The following CPHXL variants were observed in gnomAD, a reference collection of about 807,000 sequenced individuals.
CPHXL encodes the protein cytoplasmic polyadenylated homeobox-like protein.
At chr16:75,716,102 G>A (rs1959387172) in intron 2 of CPHXL, among the ~76,000 whole-genome samples, 1 of 150,040 alleles carries the variant, frequency 6.7e-6, no homozygotes, top group South Asian at 2.2e-4. Context: ...TCTATTTGTT[G>A]TATGACTCTC....
Position 75,724,836 on chromosome 16 carries a change from A to T in CPHXL, c.25+1582T>A, listed in dbSNP as rs377496023. On this transcript the variant is annotated intron_variant, in intron 1 of 2. Transcript: ENST00000640559. ...AAGACACATGCACACGTATGTTTATAGCAGCACTATTCACAATAGCAAAGA... is the reference window on the plus strand; with the variant it reads ...AAGACACATGCACACGTATGTTTATTGCAGCACTATTCACAATAGCAAAGA... 5.5e-4 allele frequency among the ~76,000 whole-genome samples: 83 copies of T among 152,262 alleles called. No individual in the cohort carries two copies. The East Asian group carries it at 0.013, about 24-fold the overall frequency.
intron 2 of CPHXL, among the ~76,000 whole-genome samples, chr16:75,717,031 C>G (rs543619205): frequency 2.6e-4 from 39 of 152,338 alleles, no homozygotes; most frequent in African/African-American, 8.9e-4. Flanking sequence ...CAACTTTCAT[C>G]TTCCATAGAC....
chr16:75,719,918 G>C (rs899407865), intron 1 of CPHXL, among the ~76,000 whole-genome samples: 1 of 152,066 alleles, frequency 6.6e-6, no homozygotes, highest in Non-Finnish European at 1.5e-5. Context: ...CTAGAGGAAC[G>C]ATCAGGCAGC....
intron 1 of CPHXL, among the ~76,000 whole-genome samples, chr16:75,724,579 C>T (rs1959527124): frequency 6.6e-6 from 1 of 152,194 alleles, no homozygotes; most frequent in South Asian, 2.1e-4. Flanking sequence ...AATGAGATAC[C>T]ATCTCACACC....
intron 1 of CPHXL, among the ~76,000 whole-genome samples, chr16:75,723,023 A>T (rs1330787831): frequency 6.6e-6 from 1 of 152,244 alleles, no homozygotes; most frequent in East Asian, 1.9e-4. Flanking sequence ...CAATAGACGC[A>T]GAAAAGGCCT....
At chr16:75,715,400 G>C (rs1215664240) in intron 2 of CPHXL, among the ~76,000 whole-genome samples, 178 bp from the exon 3 acceptor site, 1 of 152,156 alleles carries the variant, frequency 6.6e-6, no homozygotes, top group Non-Finnish European at 1.5e-5. Context: ...AGGTACATGT[G>C]ATAACACAGG....
intron 1 of CPHXL, among the ~76,000 whole-genome samples, chr16:75,721,487 A>C (rs923192432): frequency 1.1e-4 from 17 of 152,240 alleles, no homozygotes; most frequent in African/African-American, 3.9e-4. Context: ...AAACCAACAA[A>C]GATCAAAAGA....
At chr16:75,725,080 A>T (rs1959535276) in intron 1 of CPHXL, among the ~76,000 whole-genome samples, 1 of 148,056 alleles carries the variant, frequency 6.8e-6, no homozygotes, top group African/African-American at 2.5e-5. Context: ...AACAGTGAGA[A>T]CACATGGACA....
chr16:75,726,308 C>T (rs1279813829), intron 1 of CPHXL, 110 bp downstream of exon 1: 1 of 397,908 alleles, frequency 2.5e-6, no homozygotes, highest in Admixed American at 4.4e-5. Context: ...TGAAAAACAG[C>T]TGCTGCTCCA....
At chr16:75,721,848 C>T (rs1193327141) in intron 1 of CPHXL, among the ~76,000 whole-genome samples, 1 of 152,054 alleles carries the variant, frequency 6.6e-6, no homozygotes. Flanking sequence ...ACCACATTAG[C>T]TGGAAGTAAA....
intron 1 of CPHXL, among the ~76,000 whole-genome samples, chr16:75,720,172 C>T (rs555925299): frequency 3.3e-5 from 5 of 152,170 alleles, no homozygotes; most frequent in Admixed American, 1.3e-4. Context: ...ACAGAAAAAC[C>T]GGAAACTCTA....
chr16:75,719,439 G>A (rs1959441927), intron 1 of CPHXL, among the ~76,000 whole-genome samples: 1 of 152,154 alleles, frequency 6.6e-6, no homozygotes, highest in Non-Finnish European at 1.5e-5. Context: ...TTAGCAAACG[G>A]CACACCAGGA....
chr16:75,716,967 C>G (rs80248037), intron 2 of CPHXL, among the ~76,000 whole-genome samples: 1 of 152,336 alleles, frequency 6.6e-6, no homozygotes, highest in East Asian at 1.9e-4. Flanking sequence ...AAAATGTAAA[C>G]TTTGATTTCT....
chr16:75,714,179 T>G lies in CPHXL; in HGVS notation c.*45A>C. 2.5e-6 allele frequency: 1 copy of G among 398,668 alleles called. No individual in the cohort carries two copies. The highest frequency in any genetic ancestry group is 4.4e-6 in the Non-Finnish European group (1 of 226,224). 24.7% of individuals were successfully genotyped at this position (398,668 alleles called of 1,614,324 possible). On this transcript the variant is annotated 3_prime_UTR_variant, in exon 3 of 3. Coordinates refer to ENST00000640559, the MANE Select transcript of CPHXL (RefSeq NM_001355613.1). ...TGACACTTAGCACTACTTTGCAGAG[T>G]TGCATCCTTGGTTCCCTGCTGCAGA... is the stretch of plus-strand genomic sequence containing the variant.
In CPHXL at chr16:75,714,790, G is replaced by T; in HGVS notation, c.652C>A (p.Pro218Thr). The T allele has an allele frequency of 2.5e-6, 1 of 398,638 alleles. No homozygotes were observed. The highest frequency in any genetic ancestry group is 4.4e-6 in the Non-Finnish European group (1 of 226,086). The allele number at this position is 398,638 out of a possible 1,614,324, so 24.7% of individuals were successfully genotyped here. A position where few individuals can be genotyped will look rare whatever the true frequency, so the allele number is the denominator to read the frequency against. The change falls in exon 3 of 3, where the codon CCA (proline) becomes ACA (threonine). Residue 218 changes from proline to threonine, a missense_variant. Coordinates refer to ENST00000640559, the MANE Select transcript of CPHXL (RefSeq NM_001355613.1). ...SYLVTGTEKH[P>T]GCAMGYGGDT... The stretch of plus-strand genomic sequence containing the variant: ...CCTCCATACCCCATAGCACAGCCTG[G>T]ATGCTTTTCAGTGCCTGTGACCAGA...
chr16:75,714,434 C>T lies in CPHXL; in HGVS notation c.1008G>A (p.Met336Ile). The change falls in exon 3 of 3, where the codon ATG (methionine) becomes ATA (isoleucine). Residue 336 changes from methionine (M) to isoleucine (I), a missense_variant. Physicochemically the swap from Met to Ile is conservative, Grantham distance 10. Transcript: ENST00000640559. Reference sequence around the variant, plus strand: ...TCCCTAGATCCCAAGGACCCGAGTCCATTGGGAGCTGTTCCTGCAACATCA... The same window carrying T: ...TCCCTAGATCCCAAGGACCCGAGTCTATTGGGAGCTGTTCCTGCAACATCA... ...EGMMLQEQLP[M>I]DSGPWDLGKQ... is the part of the protein sequence containing the mutation. 2.5e-6 allele frequency: 1 copy of T among 398,588 alleles called. No individual in the cohort carries two copies. The highest frequency in any genetic ancestry group is 4.4e-5 in the Admixed American group (1 of 22,738). 24.7% of individuals were successfully genotyped at this position (398,588 alleles called of 1,614,324 possible).
intron 2 of CPHXL, among the ~76,000 whole-genome samples, chr16:75,716,625 T>A (rs76303948): frequency 0.014 from 2,189 of 152,190 alleles, 55 homozygotes; most frequent in African/African-American, 0.051. Context: ...TCAAACTCAG[T>A]GTCTTTGTTT....
chr16:75,718,479 G>A lies in CPHXL; in HGVS notation c.26-21C>T, dbSNP rs185337015. The A allele has an allele frequency of 5.2e-4, 206 of 398,414 alleles. 2 individuals carry two copies. The highest frequency in any genetic ancestry group is 3.8e-3 in the African/African-American group (185 of 48,734). The allele number at this position is 398,414 out of a possible 1,614,324, so 24.7% of individuals were successfully genotyped here. ...GAAACCTGACAAAAGTATAAGTAGC[G>A]AGAAGGGCATTAGAGAATATTGGTA... On this transcript the variant is annotated intron_variant, in intron 1 of 2. Transcript: ENST00000640559.
chr16:75,722,718 T>C (rs1287888306), intron 1 of CPHXL, among the ~76,000 whole-genome samples: 11 of 152,146 alleles, frequency 7.2e-5, no homozygotes, highest in Admixed American at 2.0e-4. Context: ...TTCCAATCAA[T>C]AGAAAAAGAG....
Sources: gnomAD v4.1 joint callset for allele counts (sites outside exome capture counted in the v4.1 genomes callset) on GRCh38, gnomAD v4.1.1 for gene constraint, MANE v1.5 for transcripts, NCBI Gene and HGNC (gene_info 2026-07-23, HGNC 2026-07-21) for gene names.